SMYD4: variants seen among roughly 807,000 people sequenced by gnomAD.
The protein encoded by SMYD4 is protein-lysine N-methyltransferase SMYD4.
A neutral mutation model predicts 72.8 loss-of-function variants in SMYD4; 68 were observed. The ratio of observed to expected loss-of-function variants is 0.93; its 90% CI spans 0.77 to 1.14. The LOEUF (loss-of-function observed/expected upper bound fraction) is 1.14, where lower values mean the gene tolerates loss of function less well. SMYD4 is among the 50% of genes most tolerant of loss of function. SMYD4 has a pLI of 0.00. For missense variants in SMYD4, 984 were observed against 1,003.7 expected (o/e 0.98, Z 0.27); for synonymous variants, 407 against 388.6 (o/e 1.05, Z -0.56).
At chr17:1,798,813 C>T (rs897619619) in intron 5 of SMYD4, among the ~76,000 whole-genome samples, 15 of 151,690 alleles carry the variant, frequency 9.9e-5, no homozygotes, top group African/African-American at 3.6e-4. Context: ...GCATGAGAAT[C>T]ATTTGAACCT....
At position 1,781,291 on chromosome 17, in the gene SMYD4, A is replaced by G. The variant is rs764526010; in HGVS notation, c.2410T>C (p.Leu804=). 3 of 1,612,924 alleles carry G rather than the reference A, an allele frequency of 1.9e-6. No individual in the cohort carries two copies. The highest frequency in any genetic ancestry group is 3.3e-5 in the Admixed American group (2 of 59,922). ...GTCAAAATCCTCCTGGAACCCTACA[A>G]TGCAGGCCCTACAGGGGTGGGTGGT... ...DLPPTPVGPA[L] The change falls in exon 11 of 11, where the codon TTG becomes CTG. Residue 804 remains leucine, a synonymous_variant. Coordinates refer to ENST00000305513, the MANE Select transcript of SMYD4 (RefSeq NM_052928.3).
chr17:1,787,800 C>T (rs540638610), intron 5 of SMYD4, among the ~76,000 whole-genome samples, 196 bp from the exon 6 acceptor site: 2 of 152,224 alleles, frequency 1.3e-5, no homozygotes, highest in South Asian at 4.1e-4. Flanking sequence ...AGTGGATGAA[C>T]GCACACAAAG....
At chr17:1,815,245 G>C (rs1019666867) in intron 2 of SMYD4, among the ~76,000 whole-genome samples, 1 of 151,998 alleles carries the variant, frequency 6.6e-6, no homozygotes, top group Non-Finnish European at 1.5e-5. Flanking sequence ...TGTATTTTTA[G>C]TAGAGACGGG....
At chr17:1,802,803 C>G (rs1192786098) in intron 4 of SMYD4, among the ~76,000 whole-genome samples, 1 of 143,494 alleles carries the variant, frequency 7.0e-6, no homozygotes, top group East Asian at 2.0e-4. Flanking sequence ...TGCCAGATGC[C>G]TCAGAGGTAT....
At chr17:1,825,511 C>CTT (rs58470302) in intron 2 of SMYD4, among the ~76,000 whole-genome samples, 10 of 107,830 alleles carry the variant, frequency 9.3e-5, no homozygotes, top group South Asian at 2.9e-4. Flanking sequence ...CATTTTCTTT[C>CTT]TTTTTTTTTT....
intron 2 of SMYD4, among the ~76,000 whole-genome samples, chr17:1,820,971 A>T (rs1017744720): frequency 6.6e-6 from 1 of 152,186 alleles, no homozygotes; most frequent in Non-Finnish European, 1.5e-5. Context: ...TCTTTGAGCT[A>T]ACTTGTTTTT....
In SMYD4 at chr17:1,821,357, A is replaced by T. The variant is rs558132884; in HGVS notation, c.134+6504T>A. 5.3e-5 allele frequency among the ~76,000 whole-genome samples: 8 copies of T among 152,048 alleles called. No individual in the cohort carries two copies. The South Asian group carries it at 1.2e-3, about 24-fold the overall frequency. On this transcript the variant is annotated intron_variant, in intron 2 of 10. Coordinates refer to ENST00000305513, the MANE Select transcript of SMYD4 (RefSeq NM_052928.3). ...TGGAGAAGTCCCGTCTCTACTAAAAATACAAAATTAGCTGGGCGCGGTGGT... is the reference window on the plus strand; with the variant it reads ...TGGAGAAGTCCCGTCTCTACTAAAATTACAAAATTAGCTGGGCGCGGTGGT...
chr17:1,790,962 T>C (rs916288017), intron 5 of SMYD4, among the ~76,000 whole-genome samples: 20 of 150,666 alleles, frequency 1.3e-4, no homozygotes, highest in African/African-American at 4.9e-4. Context: ...CCGTCTCTAC[T>C]AAAAATACAA....
intron 10 of SMYD4, 128 bp from the exon 11 acceptor site, chr17:1,781,567 G>GTGTCT: frequency 9.1e-7 from 1 of 1,095,106 alleles, no homozygotes. Flanking sequence ...ATCTAGAACA[G>GTGTCT]TAAGTAAGAC....
At chr17:1,817,473 C>G (rs954830635) in intron 2 of SMYD4, among the ~76,000 whole-genome samples, 1 of 152,030 alleles carries the variant, frequency 6.6e-6, no homozygotes, top group Admixed American at 6.6e-5. Flanking sequence ...TCCTGAGTAG[C>G]TGGGGCTCCA....
intron 2 of SMYD4, among the ~76,000 whole-genome samples, chr17:1,818,520 T>A (rs954882139): frequency 6.6e-6 from 1 of 152,222 alleles, no homozygotes; most frequent in Non-Finnish European, 1.5e-5. Context: ...ATTATTTAAA[T>A]GTAAATGTTA....
chr17:1,804,692 G>A lies in SMYD4; in HGVS notation c.303C>T (p.Asn101=), dbSNP rs1909947957. The A allele has an allele frequency of 1.2e-6, 2 of 1,613,442 alleles. No homozygotes were observed. The highest frequency in any genetic ancestry group is 1.3e-5 in the African/African-American group (1 of 74,902). ...YSKGVSHSRP[N]TEDMSLCHAN... is the part of the protein sequence containing the mutation. Reference sequence around the variant, plus strand: ...CATGACACAGTGACATGTCCTCAGTGTTAGGCCTTGAATGTGACACTCCCT... The same window carrying A: ...CATGACACAGTGACATGTCCTCAGTATTAGGCCTTGAATGTGACACTCCCT... Residue 101 remains asparagine, a synonymous_variant, in exon 4 of 11, where the codon AAC becomes AAT. Transcript: ENST00000305513.
chr17:1,799,444 T>C (rs987139866), intron 5 of SMYD4, among the ~76,000 whole-genome samples: 2 of 151,080 alleles, frequency 1.3e-5, no homozygotes, highest in African/African-American at 2.4e-5. Context: ...TCTCGGCTCA[T>C]TTGCAACCTC....
Position 1,786,934 on chromosome 17 carries a change from T to C in SMYD4, c.1760A>G (p.Gln587Arg). 3.1e-6 allele frequency: 5 copies of C among 1,614,158 alleles called. No homozygotes were observed. Among genetic ancestry groups the C allele is most frequent in the Non-Finnish European group, 4.2e-6 (5 of 1,180,044 alleles). Reference sequence around the variant, plus strand: ...AAAGAAATACTGAGACCTCAGCTTCTGCTGCCTTTCGGCAACCCCCATCCG... The same window carrying C: ...AAAGAAATACTGAGACCTCAGCTTCCGCTGCCTTTCGGCAACCCCCATCCG... ...KSRMGVAERQ[Q>R]KLRSQYFFDC... Residue 587 changes from glutamine (Q) to arginine (R), a missense_variant, in exon 7 of 11, where the codon CAG (glutamine) becomes CGG (arginine). Transcript: ENST00000305513.
intron 2 of SMYD4, among the ~76,000 whole-genome samples, chr17:1,827,646 T>A (rs890835620): frequency 4.6e-5 from 7 of 151,948 alleles, no homozygotes; most frequent in Non-Finnish European, 8.8e-5. Context: ...CAAAAAGAGA[T>A]GTTACCAGGC....
rs139571127 is a variant in SMYD4 at position 1,800,852 on chromosome 17, T to A, written c.542A>T (p.Asp181Val). Residue 181 changes from aspartate (D) to valine (V), a missense_variant, in exon 5 of 11, where the codon GAT becomes GTT. By Grantham distance (152) the Asp-to-Val change is radical (BLOSUM62 -3). Transcript: ENST00000305513. Reference sequence around the variant, plus strand: ...TCTCTGCAGAGTCTGAGGGAGGACATCTGCTAGGGCTGGTGTGGCTGTGAA... The same window carrying A: ...TCTCTGCAGAGTCTGAGGGAGGACAACTGCTAGGGCTGGTGTGGCTGTGAA... The part of the protein sequence containing the change: ...RNFTATPALA[D>V]VLPQTLQRNL... 1,708 of 1,614,184 alleles carry A rather than the reference T, an allele frequency of 1.1e-3. 3 individuals carry two copies. The highest frequency in any genetic ancestry group is 1.3e-3 in the Middle Eastern group (8 of 6,062).
At chr17:1,814,252 C>T (rs1910472708) in intron 2 of SMYD4, among the ~76,000 whole-genome samples, 1 of 151,942 alleles carries the variant, frequency 6.6e-6, no homozygotes. Context: ...CTGCAGTGAG[C>T]CAGGAGGGCC....
chr17:1,801,685 A>ACACTCTGC (rs1168933850), intron 4 of SMYD4, among the ~76,000 whole-genome samples: 8 of 149,850 alleles, frequency 5.3e-5, no homozygotes, highest in Non-Finnish European at 1.2e-4. Flanking sequence ...GCATTCAAAT[A>ACACTCTGC]CACTCTGCTG....
intron 3 of SMYD4, among the ~76,000 whole-genome samples, chr17:1,809,198 T>C (rs994851529): frequency 2.0e-5 from 3 of 151,648 alleles, no homozygotes; most frequent in African/African-American, 4.8e-5. Context: ...TTTAAACTTA[T>C]TCTTTTAATA....
Sources: allele counts gnomAD v4.1 joint callset (sites outside exome capture counted in the v4.1 genomes callset), GRCh38; gene constraint gnomAD v4.1.1; transcripts MANE v1.5; gene names NCBI Gene and HGNC (gene_info 2026-07-23, HGNC 2026-07-21).